RBFOX2: variants seen among roughly 807,000 people sequenced by gnomAD.
RBFOX2 encodes the protein RNA binding protein fox-1 homolog 2.
In RBFOX2, 10 loss-of-function variants were observed where a neutral mutation model predicts 49.1. That is an observed-to-expected ratio of 0.20 (90% CI 0.13 to 0.35). The LOEUF is 0.35. Ranked by LOEUF, RBFOX2 falls within the 10% of genes least tolerant of loss-of-function variation. The pLI is 1.00. For synonymous variants in RBFOX2, 183 were observed against 187.4 expected (o/e 0.98, Z 0.19); for missense variants, 323 against 486.9 (o/e 0.66, Z 3.17).
intron 1 of RBFOX2, among the ~76,000 whole-genome samples, chr22:35,987,568 T>C (rs1037224106): frequency 3.3e-5 from 5 of 152,224 alleles, no homozygotes; most frequent in Admixed American, 3.3e-4. Flanking sequence ...TTAAATAACC[T>C]GCTCCTTCTA....
chr22:35,793,408 G>A (rs932099913), intron 2 of RBFOX2, among the ~76,000 whole-genome samples: 6 of 152,076 alleles, frequency 3.9e-5, no homozygotes, highest in African/African-American at 1.2e-4. Flanking sequence ...AAATGTTTAC[G>A]ATGGAGTTCC....
chr22:35,963,203 G>C (rs2056355562), upstream of RBFOX2, among the ~76,000 whole-genome samples: 1 of 151,798 alleles, frequency 6.6e-6, no homozygotes, highest in East Asian at 1.9e-4. Flanking sequence ...TTAACACACA[G>C]GCATCTAGAA....
chr22:35,917,686 G>T, intron 1 of RBFOX2, among the ~76,000 whole-genome samples: 1 of 152,062 alleles, frequency 6.6e-6, no homozygotes, highest in African/African-American at 2.4e-5. Flanking sequence ...TGGGAGAAGG[G>T]GAGGCCAGAA....
chr22:35,947,842 A>C (rs2054488566), intron 1 of RBFOX2, among the ~76,000 whole-genome samples: 1 of 152,150 alleles, frequency 6.6e-6, no homozygotes, highest in African/African-American at 2.4e-5. Context: ...TTATAAAGTA[A>C]AAAAGTTACA....
intron 1 of RBFOX2, among the ~76,000 whole-genome samples, chr22:35,835,158 G>C (rs887120226): frequency 5.3e-5 from 8 of 152,086 alleles, no homozygotes; most frequent in African/African-American, 7.2e-5. Flanking sequence ...ATGTTGGGAG[G>C]AAATGTTCAA....
chr22:35,973,785 G>A (rs2057004576), intron 1 of RBFOX2, among the ~76,000 whole-genome samples: 1 of 152,170 alleles, frequency 6.6e-6, no homozygotes. Flanking sequence ...TATGGGCTGA[G>A]GCCTTAATCT....
chr22:35,814,249 G>A (rs965302445), intron 1 of RBFOX2, among the ~76,000 whole-genome samples: 4 of 151,996 alleles, frequency 2.6e-5, no homozygotes, highest in Non-Finnish European at 5.9e-5. Context: ...CACCACAGAT[G>A]CCAAAATCCT....
intron 1 of RBFOX2, among the ~76,000 whole-genome samples, chr22:35,813,110 T>G (rs1030741010): frequency 6.6e-6 from 1 of 152,234 alleles, no homozygotes; most frequent in African/African-American, 2.4e-5. Flanking sequence ...TACAGAAATT[T>G]CTTTTAAAAT....
intron 1 of RBFOX2, among the ~76,000 whole-genome samples, chr22:35,853,656 CACGTGTGTGTGTGTGT>C (rs1169652503): frequency 1.5e-5 from 2 of 132,956 alleles, no homozygotes; most frequent in African/African-American, 5.9e-5. Flanking sequence ...TATATATACA[CACGTGTGTGTGTGTGT>C]GTGTGTGTGT....
At chr22:35,824,882 A>G (rs1173712961) in intron 1 of RBFOX2, among the ~76,000 whole-genome samples, 1 of 152,212 alleles carries the variant, frequency 6.6e-6, no homozygotes, top group Non-Finnish European at 1.5e-5. Flanking sequence ...CTTCATTATT[A>G]TCATTATCAA....
intron 1 of RBFOX2, among the ~76,000 whole-genome samples, chr22:35,910,287 T>C (rs1032699644): frequency 1.3e-5 from 2 of 152,230 alleles, no homozygotes; most frequent in Non-Finnish European, 2.9e-5. Flanking sequence ...CAAATTAACT[T>C]TGAGAAACAC....
At chr22:35,908,876 T>C (rs1359334363) in intron 1 of RBFOX2, among the ~76,000 whole-genome samples, 1 of 150,656 alleles carries the variant, frequency 6.6e-6, no homozygotes, top group East Asian at 1.9e-4. Context: ...GGAGTCTCGC[T>C]CTGTCACCCA....
At chr22:35,993,473 A>G (rs2058062698) in intron 1 of RBFOX2, 1 of 152,222 alleles carries the variant, frequency 6.6e-6, no homozygotes, top group South Asian at 2.1e-4. Flanking sequence ...CTAACAGCAT[A>G]AAGCAAAAAT....
chr22:35,972,634 C>G (rs931474576), intron 1 of RBFOX2, among the ~76,000 whole-genome samples: 1 of 152,176 alleles, frequency 6.6e-6, no homozygotes, highest in African/African-American at 2.4e-5. Context: ...AAATCCCACA[C>G]ACCTAATAAA....
At chr22:35,877,366 G>T (rs776435661) in intron 1 of RBFOX2, among the ~76,000 whole-genome samples, 5 of 152,128 alleles carry the variant, frequency 3.3e-5, no homozygotes, top group African/African-American at 4.8e-5. Context: ...AACAGTAGAA[G>T]AGAGAACTGG....
rs2049729265 is a variant in RBFOX2 at position 35,910,850 on chromosome 22, C to T, written c.-34+27997G>A. On this transcript the variant is annotated intron_variant, in intron 1 of 13. Coordinates refer to the RBFOX2 transcript ENST00000359369. ...CTATCCCATATATAAGCAATGGCTG[C>T]AGCATCAAAATGTTCCTTAAAATTA... Among the ~76,000 whole-genome samples, 15 of 152,094 alleles carry T rather than the reference C, an allele frequency of 9.9e-5. No homozygotes were observed. The Admixed American group carries it at 9.9e-4, about 10-fold the overall frequency.
upstream of RBFOX2, chr22:35,939,222 T>C (rs1316157179): frequency 1.9e-6 from 1 of 517,440 alleles, no homozygotes; most frequent in Non-Finnish European, 3.7e-6. Flanking sequence ...TCATACACTG[T>C]GGGACTTCAG....
At chr22:35,933,133 T>G (rs1603450427) in intron 1 of RBFOX2, among the ~76,000 whole-genome samples, 1 of 152,184 alleles carries the variant, frequency 6.6e-6, no homozygotes. Context: ...ACATGGAGGC[T>G]GAAAATCGGG....
chr22:35,784,397 G>C (rs1945910996), intron 2 of RBFOX2, among the ~76,000 whole-genome samples: 1 of 152,222 alleles, frequency 6.6e-6, no homozygotes, highest in Non-Finnish European at 1.5e-5. Context: ...GGGTGACTGG[G>C]TGCCTGCAGG....
Sources: allele counts gnomAD v4.1 joint callset (sites outside exome capture counted in the v4.1 genomes callset), GRCh38; gene constraint gnomAD v4.1.1; transcripts MANE v1.5; gene names NCBI Gene and HGNC (gene_info 2026-07-23, HGNC 2026-07-21).